Variants in GRIK2 observed in about 807,000 individuals in gnomAD.
GRIK2 encodes glutamate receptor ionotropic, kainate 2.
GRIK2 carries 32 observed loss-of-function variants against 100.3 expected under a neutral mutation model. The ratio of observed to expected loss-of-function variants is 0.32; its 90% confidence interval spans 0.24 to 0.43. The LOEUF is 0.43. GRIK2 is among the 20% of genes least tolerant of loss of function. GRIK2 has a pLI of 1.00. For missense variants in GRIK2, 843 were observed against 1,114.9 expected (o/e 0.76, Z 3.47); for synonymous variants, 417 against 389.4 (o/e 1.07, Z -0.83).
At chr6:102,006,076 A>C (rs1489811995) in intron 14 of GRIK2, among the ~76,000 whole-genome samples, 1 of 152,002 alleles carries the variant, frequency 6.6e-6, no homozygotes, top group Non-Finnish European at 1.5e-5. Flanking sequence ...AAATACAAGC[A>C]CATTCTCAGG....
chr6:101,477,088 A>G (rs1000755270), intron 2 of GRIK2, among the ~76,000 whole-genome samples: 1 of 152,268 alleles, frequency 6.6e-6, no homozygotes, highest in Non-Finnish European at 1.5e-5. Flanking sequence ...TTATGTTTTT[A>G]TATATTTAAG....
chr6:101,468,666 G>C (rs978741789), intron 2 of GRIK2, among the ~76,000 whole-genome samples: 1 of 152,066 alleles, frequency 6.6e-6, no homozygotes, highest in Non-Finnish European at 1.5e-5. Flanking sequence ...GTACGATATA[G>C]GTCACATTTT....
chr6:101,782,308 A>T (rs1779146663), intron 7 of GRIK2, among the ~76,000 whole-genome samples: 2 of 152,132 alleles, frequency 1.3e-5, no homozygotes, highest in South Asian at 4.1e-4. Context: ...CTTCTATCTA[A>T]CTGTAAGTTT....
intron 14 of GRIK2, among the ~76,000 whole-genome samples, chr6:102,016,972 C>T (rs529560272): frequency 6.6e-6 from 1 of 152,178 alleles, no homozygotes; most frequent in South Asian, 2.1e-4. Flanking sequence ...GCCTCATATT[C>T]AACATTCTTA....
intron 2 of GRIK2, among the ~76,000 whole-genome samples, chr6:101,480,974 A>G (rs569843983): frequency 6.6e-6 from 1 of 152,180 alleles, no homozygotes; most frequent in Non-Finnish European, 1.5e-5. Context: ...GACAAATGAG[A>G]GTGATATTGG....
intron 2 of GRIK2, among the ~76,000 whole-genome samples, chr6:101,455,008 T>A (rs1770917229): frequency 6.6e-6 from 1 of 152,136 alleles, no homozygotes; most frequent in Admixed American, 6.6e-5. Context: ...TACCAGCAGT[T>A]TGAAATAATT....
At chr6:101,751,732 C>A (rs1776801214) in intron 7 of GRIK2, among the ~76,000 whole-genome samples, 1 of 152,190 alleles carries the variant, frequency 6.6e-6, no homozygotes, top group South Asian at 2.1e-4. Context: ...ACATGTTCAT[C>A]TGTCCTCTAT....
At chr6:101,836,744 C>A (rs1783145434) in intron 10 of GRIK2, among the ~76,000 whole-genome samples, 2 of 143,240 alleles carry the variant, frequency 1.4e-5, no homozygotes, top group South Asian at 4.5e-4. Context: ...TGGCTCACTG[C>A]AACCTCTGCC....
At chr6:101,446,226 A>G (rs1002523528) in intron 2 of GRIK2, among the ~76,000 whole-genome samples, 4 of 151,956 alleles carry the variant, frequency 2.6e-5, no homozygotes, top group African/African-American at 9.7e-5. Context: ...GGCAGAATAA[A>G]TTTATGAGGC....
At chr6:102,057,722 C>T (rs1771533357) in intron 16 of GRIK2, among the ~76,000 whole-genome samples, 1 of 151,856 alleles carries the variant, frequency 6.6e-6, no homozygotes, top group South Asian at 2.1e-4. Flanking sequence ...CTGTCCACTG[C>T]TGTAGCTTTA....
chr6:101,630,502 G>A (rs544086283), intron 4 of GRIK2, among the ~76,000 whole-genome samples: 1 of 152,116 alleles, frequency 6.6e-6, no homozygotes, highest in Non-Finnish European at 1.5e-5. Context: ...TTGGCTGCAT[G>A]TACATCTTCT....
At chr6:101,893,236 T>G (rs1036868201) in intron 12 of GRIK2, among the ~76,000 whole-genome samples, 2 of 151,434 alleles carry the variant, frequency 1.3e-5, no homozygotes, top group Non-Finnish European at 3.0e-5. Context: ...ATATGGTATT[T>G]TAAGTATATT....
At chr6:101,441,261 T>C (rs1038964054) in intron 2 of GRIK2, among the ~76,000 whole-genome samples, 28 of 152,126 alleles carry the variant, frequency 1.8e-4, no homozygotes, top group African/African-American at 6.5e-4. Flanking sequence ...CTGTCCCTTG[T>C]CATCACAGTA....
intron 2 of GRIK2, among the ~76,000 whole-genome samples, chr6:101,585,148 A>AT (rs1471054546): frequency 6.6e-6 from 1 of 152,018 alleles, no homozygotes; most frequent in Non-Finnish European, 1.5e-5. Context: ...AAGAATTGAG[A>AT]TTTCCCCAAA....
intron 15 of GRIK2, among the ~76,000 whole-genome samples, chr6:102,054,959 G>A (rs980380437): frequency 1.3e-5 from 2 of 152,114 alleles, no homozygotes; most frequent in African/African-American, 2.4e-5. Context: ...AGAGATAGCT[G>A]TTTTATCAGT....
At chr6:101,847,069 T>C (rs1783855214) in intron 10 of GRIK2, among the ~76,000 whole-genome samples, 1 of 152,004 alleles carries the variant, frequency 6.6e-6, no homozygotes, top group African/African-American at 2.4e-5. Flanking sequence ...CTTCTAGGTT[T>C]CTATGGTGTA....
At chr6:101,751,790 C>T (rs1282916755) in intron 7 of GRIK2, among the ~76,000 whole-genome samples, 15 of 152,148 alleles carry the variant, frequency 9.9e-5, no homozygotes, top group Admixed American at 9.8e-4. Flanking sequence ...TCACACTTAA[C>T]GTTGGATATG....
intron 12 of GRIK2, among the ~76,000 whole-genome samples, chr6:101,923,403 G>A (rs569611809): frequency 3.3e-5 from 5 of 152,176 alleles, no homozygotes; most frequent in African/African-American, 1.2e-4. Flanking sequence ...TCCATTAATT[G>A]ATAAATATAT....
intron 2 of GRIK2, among the ~76,000 whole-genome samples, chr6:101,418,201 A>G (rs1188005006): frequency 1.3e-5 from 2 of 152,208 alleles, no homozygotes; most frequent in Non-Finnish European, 2.9e-5. Flanking sequence ...CTTGGGTATT[A>G]GTATAGTGAT....
Sources: allele counts gnomAD v4.1 joint callset (sites outside exome capture counted in the v4.1 genomes callset), GRCh38; gene constraint gnomAD v4.1.1; transcripts MANE v1.5; gene names NCBI Gene and HGNC (gene_info 2026-07-23, HGNC 2026-07-21).